MYH15: variants seen among roughly 807,000 people sequenced by gnomAD.
The protein encoded by MYH15 is myosin-15.
In MYH15, 227 loss-of-function variants were observed where a neutral mutation model predicts 240.5. The ratio of observed to expected loss-of-function variants is 0.94; its 90% CI spans 0.85 to 1.05. The LOEUF is 1.05. Among genes scored for constraint, MYH15 ranks in the 50% least tolerant of loss-of-function variants. The pLI, the probability that MYH15 is intolerant of heterozygous loss-of-function variation, is 0.00. For synonymous variants in MYH15, 785 were observed against 796.7 expected, an observed-to-expected ratio of 0.99 and a Z score of 0.25; for missense variants, 2,217 against 2,247.5, an observed-to-expected ratio of 0.99 and a Z score of 0.27.
intron 1 of MYH15, chr3:108,529,111 C>T (rs1290583953): frequency 1.5e-6 from 1 of 664,294 alleles, no homozygotes; most frequent in Non-Finnish European, 2.5e-6. Context: ...AATGATCACT[C>T]AGAAATTACA....
intron 21 of MYH15, among the ~76,000 whole-genome samples, 163 bp downstream of exon 21, chr3:108,453,843 C>T (rs1182813748): frequency 6.6e-6 from 1 of 152,148 alleles, no homozygotes; most frequent in Non-Finnish European, 1.5e-5. Context: ...AATAAAAGCC[C>T]TTTGCACTCT....
At chr3:108,503,654 T>C (rs572860047) in intron 2 of MYH15, among the ~76,000 whole-genome samples, 1 of 152,252 alleles carries the variant, frequency 6.6e-6, no homozygotes, top group Admixed American at 6.5e-5. Context: ...GAAAATAAAA[T>C]GTGTTAGTAA....
intron 35 of MYH15, among the ~76,000 whole-genome samples, chr3:108,394,430 C>T (rs1447029143): frequency 3.9e-5 from 6 of 152,176 alleles, no homozygotes; most frequent in South Asian, 2.1e-4. Context: ...AAGCCCCAAA[C>T]GTGTTTGGTT....
rs144641925 is a variant in MYH15, at chr3:108,508,306, C to G, written c.88+2137G>C. ...AATCCTTTCTCATAGGAGACCCAAA[C>G]CCTGACAGGGACATTTTAAAAAATG... On this transcript the variant is annotated intron_variant, in intron 1 of 40. Coordinates refer to ENST00000693548, the MANE Select transcript of MYH15 (RefSeq NM_014981.3). Among the ~76,000 whole-genome samples the G allele has an allele frequency of 2.0e-5, 3 of 152,284 alleles. No individual in the cohort carries two copies. In the East Asian group the frequency reaches 5.8e-4, roughly 29 times the overall value.
chr3:108,480,284 C>T (rs2107592970), intron 11 of MYH15, among the ~76,000 whole-genome samples: 1 of 152,256 alleles, frequency 6.6e-6, no homozygotes, highest in South Asian at 2.1e-4. Flanking sequence ...GTTTCCTTAA[C>T]AATGAACAGC....
In MYH15 at chr3:108,470,147, C is replaced by A; in HGVS notation, c.1449G>T (p.Trp483Cys). ...CCTCTTGCTCCAGAACAAACATGTGCCAATTGAAGAATTGTTGTAATTTTT... is the reference window on the plus strand; with the variant it reads ...CCTCTTGCTCCAGAACAAACATGTGACAATTGAAGAATTGTTGTAATTTTT... ...TNEKLQQFFN[W>C]HMFVLEQEEY... Residue 483 changes from tryptophan to cysteine, a missense_variant, in exon 14 of 41, where the codon TGG becomes TGT. Coordinates refer to ENST00000693548, the MANE Select transcript of MYH15 (RefSeq NM_014981.3). The A allele has an allele frequency of 6.2e-7, 1 of 1,608,478 alleles. No individual in the cohort carries two copies. The highest frequency in any genetic ancestry group is 8.5e-7 in the Non-Finnish European group (1 of 1,177,650).
chr3:108,499,395 G>A, intron 5 of MYH15, 60 bp downstream of exon 5: 1 of 1,488,860 alleles, frequency 6.7e-7, no homozygotes, highest in Non-Finnish European at 9.4e-7. Flanking sequence ...GTGAAATGGA[G>A]GTATCTATTT....
intron 14 of MYH15, among the ~76,000 whole-genome samples, chr3:108,467,043 A>T (rs1362715613): frequency 2.6e-5 from 4 of 152,076 alleles, no homozygotes; most frequent in Admixed American, 6.6e-5. Flanking sequence ...TGCCAGGATG[A>T]TGCCTTCTGG....
At chr3:108,522,848 TTGA>T (rs754856799) in intron 1 of MYH15, among the ~76,000 whole-genome samples, 2 of 152,050 alleles carry the variant, frequency 1.3e-5, no homozygotes, top group Non-Finnish European at 1.5e-5. Flanking sequence ...AATAGAAGGG[TTGA>T]TATCATAAAA....
chr3:108,528,386 A>T (rs1261085802), intron 1 of MYH15, among the ~76,000 whole-genome samples: 4 of 152,220 alleles, frequency 2.6e-5, no homozygotes, highest in Non-Finnish European at 5.9e-5. Context: ...ATAAGGTATG[A>T]TGGATTTCTT....
At position 108,501,826 on chromosome 3, in the gene MYH15, C is replaced by G. The variant is rs1200690630; in HGVS notation, c.225G>C (p.Gln75His). 6.2e-7 allele frequency: 1 copy of G among 1,614,022 alleles called. No individual in the cohort carries two copies. Among genetic ancestry groups the G allele is most frequent in the Admixed American group, 1.7e-5 (1 of 60,018 alleles). Residue 75 changes from glutamine to histidine, a missense_variant, in exon 3 of 41, where the codon CAG (glutamine) becomes CAC (histidine). Coordinates refer to ENST00000693548, the MANE Select transcript of MYH15 (RefSeq NM_014981.3). The stretch of plus-strand genomic sequence containing the variant: ...TTTCAAACTCTGGAGGATTCATCTG[C>G]TGGATTTTGTCCTCCTTTATGCTCA... Reference protein sequence around the residue: ...ESLSIKEDKIQQMNPPEFEMI... With the variant: ...ESLSIKEDKIHQMNPPEFEMI...
intron 9 of MYH15, among the ~76,000 whole-genome samples, chr3:108,489,797 T>C (rs1427442262): frequency 6.6e-6 from 1 of 152,212 alleles, no homozygotes; most frequent in Non-Finnish European, 1.5e-5. Flanking sequence ...CAAACATGGA[T>C]GGTAAGAGTT....
At chr3:108,439,399 A>G (rs1417414811) in intron 24 of MYH15, among the ~76,000 whole-genome samples, 4 of 152,220 alleles carry the variant, frequency 2.6e-5, no homozygotes, top group African/African-American at 9.6e-5. Context: ...GAGTACCAGC[A>G]TATCTGTGGG....
chr3:108,522,217 AC>A (rs1312162451), intron 1 of MYH15, among the ~76,000 whole-genome samples: 1 of 152,048 alleles, frequency 6.6e-6, no homozygotes, highest in African/African-American at 2.4e-5. Flanking sequence ...GGTTCTATCA[AC>A]AACAACAAAA....
chr3:108,485,205 G>C lies in MYH15; in HGVS notation c.1000C>G (p.Leu334Val), dbSNP rs373644630. The C allele has an allele frequency of 1.2e-6, 2 of 1,614,056 alleles. No individual in the cohort carries two copies. Among genetic ancestry groups the C allele is most frequent in the South Asian group, 2.2e-5 (2 of 91,060 alleles). Residue 334 changes from leucine to valine, a missense_variant, in exon 11 of 41, where the codon CTT (leucine) becomes GTT (valine). Transcript: ENST00000693548. Reference sequence around the variant, plus strand: ...TAGCATCCATACTTCTCATCAGGAAGAAAGCCCAAGATGTCCATGGCTTGC... The same window carrying C: ...TAGCATCCATACTTCTCATCAGGAACAAAGCCCAAGATGTCCATGGCTTGC... ...TEQAMDILGF[L>V]PDEKYGCYKL...
chr3:108,421,929 A>G (rs2082687397), intron 27 of MYH15, among the ~76,000 whole-genome samples: 1 of 152,204 alleles, frequency 6.6e-6, no homozygotes, highest in African/African-American at 2.4e-5. Context: ...AAGATATGAC[A>G]TTGGCCTTTG....
At chr3:108,412,701 T>G (rs562019104) in intron 30 of MYH15, among the ~76,000 whole-genome samples, 2 of 152,350 alleles carry the variant, frequency 1.3e-5, no homozygotes, top group East Asian at 3.9e-4. Flanking sequence ...ATTAAGAAAC[T>G]AAATCCTTAT....
chr3:108,388,971 T>C lies in MYH15; in HGVS notation c.5534A>G (p.Gln1845Arg), dbSNP rs755102483. ...LERCIKELTY[Q>R]AEEDKKNLSR... ...ACAGGGAATGGTTTCCTGGAGTACC[T>C]GATAGGTCAGCTCTTTGATGCATCG... is the stretch of plus-strand genomic sequence containing the variant. The change falls in exon 38 of 41, where the codon CAG becomes CGG. Residue 1845 changes from glutamine to arginine, a missense_variant and splice_region_variant. Physicochemically the swap from Gln to Arg is conservative, Grantham distance 43 (BLOSUM62 1). Transcript: ENST00000693548. 5.3e-5 allele frequency: 85 copies of C among 1,612,972 alleles called. No homozygotes were observed. The highest frequency in any genetic ancestry group is 7.0e-5 in the Non-Finnish European group (83 of 1,179,488).
upstream of MYH15, among the ~76,000 whole-genome samples, chr3:108,530,111 G>A (rs1308145507): frequency 2.0e-5 from 3 of 152,210 alleles, no homozygotes; most frequent in African/African-American, 7.2e-5. Flanking sequence ...GAATCAGGAA[G>A]TGTATTCACA....
Sources: gnomAD v4.1 joint callset for allele counts (sites outside exome capture counted in the v4.1 genomes callset) on GRCh38, gnomAD v4.1.1 for gene constraint, MANE v1.5 for transcripts, NCBI Gene and HGNC (gene_info 2026-07-23, HGNC 2026-07-21) for gene names.